ITGAL: variants seen among roughly 807,000 people sequenced by gnomAD.
The protein encoded by ITGAL is integrin subunit alpha L.
Under a neutral mutation model 138.4 loss-of-function variants are expected in ITGAL, and 68 were observed. That is an observed-to-expected ratio of 0.49 (90% CI 0.40 to 0.60). The LOEUF is 0.60. Among genes scored for constraint, ITGAL ranks in the 20% least tolerant of loss-of-function variants. The pLI, the probability that ITGAL is intolerant of heterozygous loss-of-function variation, is 0.00. For missense variants in ITGAL, 1,256 were observed against 1,478.6 expected, an observed-to-expected ratio of 0.85 and a Z score of 2.47; for synonymous variants, 561 against 584.3, an observed-to-expected ratio of 0.96 and a Z score of 0.57.
intron 17 of ITGAL, among the ~76,000 whole-genome samples, chr16:30,502,373 G>A (rs918330942): frequency 4.1e-5 from 6 of 146,392 alleles, no homozygotes; most frequent in Admixed American, 1.4e-4. Flanking sequence ...CTCCAGCCTG[G>A]GCGACAGAGC....
chr16:30,500,412 T>A (rs1941865718), intron 17 of ITGAL, among the ~76,000 whole-genome samples: 1 of 151,652 alleles, frequency 6.6e-6, no homozygotes, highest in African/African-American at 2.4e-5. Context: ...GAGATGGGGG[T>A]CTTACTTTGT....
intron 21 of ITGAL, among the ~76,000 whole-genome samples, chr16:30,508,246 T>C (rs1193842549): frequency 1.7e-5 from 2 of 119,848 alleles, no homozygotes; most frequent in African/African-American, 3.3e-5. Context: ...GAAGTCTTGC[T>C]CTTGTCCCCC....
Position 30,507,480 on chromosome 16 carries a change from CA to C in ITGAL, c.2508+634del, listed in dbSNP as rs112556507. Among the ~76,000 whole-genome samples, 14 of 134,090 alleles carry C rather than the reference CA, an allele frequency of 1.0e-4. No homozygotes were observed. The East Asian group carries it at 1.1e-3, about 10-fold the overall frequency. The allele number at this position is 134,090 out of a possible 152,430, so 88.0% of individuals were successfully genotyped here. A position where few individuals can be genotyped will look rare whatever the true frequency, so the allele number is the denominator to read the frequency against. ...CTCAAAAAAAAAACAAAAAAAAAAA[CA>C]AAAAAAAAACCCACAAAAATTATCC... On this transcript the variant is annotated intron_variant, in intron 21 of 30. Coordinates refer to ENST00000356798, the MANE Select transcript of ITGAL (RefSeq NM_002209.3).
chr16:30,473,169 C>G (rs1234262247), intron 1 of ITGAL, among the ~76,000 whole-genome samples: 1 of 152,114 alleles, frequency 6.6e-6, no homozygotes, highest in East Asian at 1.9e-4. Flanking sequence ...CGGTGGCTCA[C>G]GCCTGTAATC....
At position 30,510,929 on chromosome 16, in the gene ITGAL, G is replaced by A. The variant is rs776423116; in HGVS notation, c.2668G>A (p.Asp890Asn). ...TACACTGGTAAACAGCTCCTGGGGG[G>A]ACTCGGTTGAATTGCACGCCAATGT... ...FNTLVNSSWG[D>N]SVELHANVTC... The change falls in exon 23 of 31, where the codon GAC (aspartate) becomes AAC (asparagine). Residue 890 changes from aspartate to asparagine, a missense_variant. Asp to Asn is a conservative substitution (Grantham distance 23, BLOSUM62 1). This residue lies in a region of ITGAL where 867 missense variants were observed against 972.5 expected (regional missense o/e 0.89). Transcript: ENST00000356798. 5.6e-6 allele frequency: 9 copies of A among 1,613,792 alleles called. No individual in the cohort carries two copies. The highest frequency in any genetic ancestry group is 3.3e-5 in the Admixed American group (2 of 59,968).
intron 25 of ITGAL, among the ~76,000 whole-genome samples, chr16:30,516,169 C>G (rs916387757): frequency 1.3e-5 from 2 of 152,214 alleles, no homozygotes; most frequent in Middle Eastern, 3.4e-3. Context: ...CACTTTCTTA[C>G]ACATATCTGA....
Position 30,510,361 on chromosome 16 carries a change from C to A in ITGAL, c.2509C>A (p.Pro837Thr). 6.3e-7 allele frequency: 1 copy of A among 1,590,232 alleles called. No individual in the cohort carries two copies. Among genetic ancestry groups the A allele is most frequent in the Non-Finnish European group, 8.6e-7 (1 of 1,158,360 alleles). Reference sequence around the variant, plus strand: ...ACTTGTTTCCTCCTTTCACTCCCAGCCCCATAGCCAGATACCTGTGAGCTG... The same window carrying A: ...ACTTGTTTCCTCCTTTCACTCCCAGACCCATAGCCAGATACCTGTGAGCTG... ...LSFRKVEMLK[P>T]HSQIPVSCEE... Residue 837 changes from proline (P) to threonine (T), a missense_variant and splice_region_variant, in exon 22 of 31, where the codon CCC (proline) becomes ACC (threonine). Physicochemically the swap from Pro to Thr is conservative, Grantham distance 38. Transcript: ENST00000356798.
At chr16:30,514,825 CTTTTT>C (rs35701226) in intron 25 of ITGAL, among the ~76,000 whole-genome samples, 6 of 134,260 alleles carry the variant, frequency 4.5e-5, no homozygotes, top group Admixed American at 7.5e-5. Context: ...TTTTTCTTTT[CTTTTT>C]TTTTTTTTTT....
rs750590467 is a variant in ITGAL at position 30,522,023 on chromosome 16, A to G, written c.*358A>G. On this transcript the variant is annotated 3_prime_UTR_variant, in exon 31 of 31. Coordinates refer to ENST00000356798, the MANE Select transcript of ITGAL (RefSeq NM_002209.3). The surrounding 1 kb of genome is among the most constrained non-coding windows in gnomAD (Gnocchi z 4.0). ...CCCTCACCCCTGCCCTGGGATGTCC[A>G]CAGATGCCTCCACCCCCCAGAACCT... The G allele has an allele frequency of 1.5e-4, 33 of 220,620 alleles. No individual in the cohort carries two copies. Among genetic ancestry groups the G allele is most frequent in the Non-Finnish European group, 2.7e-4 (30 of 109,784 alleles). 13.7% of individuals were successfully genotyped at this position (220,620 alleles called of 1,614,324 possible). A position where few individuals can be genotyped will look rare whatever the true frequency, so the allele number is the denominator to read the frequency against.
chr16:30,515,697 C>A (rs556407177), intron 25 of ITGAL, among the ~76,000 whole-genome samples: 15 of 152,182 alleles, frequency 9.9e-5, no homozygotes, highest in African/African-American at 3.1e-4. Flanking sequence ...TCTGGTCAGG[C>A]GCGGTGGCTC....
rs1040873306 is a variant in ITGAL at position 30,474,235 on chromosome 16, G to T, written c.101G>T (p.Arg34Leu). 2 of 1,608,952 alleles carry T rather than the reference G, an allele frequency of 1.2e-6. No individual in the cohort carries two copies. The highest frequency in any genetic ancestry group is 1.7e-4 in the Middle Eastern group (1 of 6,052). ...SSYNLDVRGA[R>L]SFSPPRAGRH... ...TACAACCTGGACGTGCGGGGCGCGC[G>T]GAGCTTCTCCCCACCGCGCGCCGGG... is the stretch of plus-strand genomic sequence containing the variant. The change falls in exon 2 of 31, where the codon CGG (arginine) becomes CTG (leucine). Residue 34 changes from arginine to leucine, a missense_variant. By Grantham distance (102) the Arg-to-Leu change is moderately radical. Coordinates refer to ENST00000356798, the MANE Select transcript of ITGAL (RefSeq NM_002209.3).
At chr16:30,508,535 T>A (rs1349133844) in intron 21 of ITGAL, among the ~76,000 whole-genome samples, 1 of 152,098 alleles carries the variant, frequency 6.6e-6, no homozygotes, top group African/African-American at 2.4e-5. Context: ...TACAGCAACA[T>A]TAAATGTTTC....
intron 17 of ITGAL, 28 bp from the exon 18 acceptor site, chr16:30,504,147 A>G (rs2050947965): frequency 6.5e-7 from 1 of 1,531,012 alleles, no homozygotes; most frequent in South Asian, 1.1e-5. Context: ...TAGATTCATG[A>G]CATAGGCTGT....
intron 1 of ITGAL, among the ~76,000 whole-genome samples, chr16:30,473,387 C>T (rs1481135784): frequency 6.6e-6 from 1 of 152,208 alleles, no homozygotes; most frequent in Non-Finnish European, 1.5e-5. Context: ...GAGCCAAGCT[C>T]GTGCCAATGC....
intron 13 of ITGAL, among the ~76,000 whole-genome samples, chr16:30,495,547 C>A (rs189739751): frequency 3.3e-5 from 5 of 152,198 alleles, no homozygotes; most frequent in African/African-American, 9.6e-5. Context: ...AAATGGGAAT[C>A]CCTGGGGTGC....
At position 30,479,188 on chromosome 16, in the gene ITGAL, AG is replaced by A. The variant is rs766120672; in HGVS notation, c.429del (p.Arg144AlafsTer12). ...FRQNLQGPML[Q>X]GRPGFQECIK... ...CAGAATCTGCAGGGTCCCATGCTGC[AG>A]GGGCGCCCTGGTTTTCAGGGTAAGG... On this transcript the variant is annotated frameshift_variant, in exon 5 of 31. Coordinates refer to ENST00000356798, the MANE Select transcript of ITGAL (RefSeq NM_002209.3). LOFTEE classifies it high-confidence loss of function. 6.2e-7 allele frequency: 1 copy of A among 1,614,074 alleles called. No homozygotes were observed. Among genetic ancestry groups the A allele is most frequent in the East Asian group, 2.2e-5 (1 of 44,886 alleles).
intron 9 of ITGAL, among the ~76,000 whole-genome samples, chr16:30,487,767 G>A (rs1282516144): frequency 6.6e-6 from 1 of 150,630 alleles, no homozygotes; most frequent in Non-Finnish European, 1.5e-5. Context: ...GAGCAGTGGT[G>A]CGATCTTGGC....
intron 17 of ITGAL, among the ~76,000 whole-genome samples, chr16:30,500,974 A>G (rs2050887878): frequency 6.6e-6 from 1 of 151,820 alleles, no homozygotes; most frequent in Non-Finnish European, 1.5e-5. Context: ...ATTGCACTCC[A>G]GCCTGGGCAA....
intron 2 of ITGAL, 58 bp from the exon 3 acceptor site, chr16:30,475,248 A>C: frequency 8.4e-7 from 1 of 1,186,670 alleles, no homozygotes; most frequent in Non-Finnish European, 1.2e-6. Context: ...CTTAGCAGGC[A>C]GGAGTAGATG....
Sources: allele counts gnomAD v4.1 joint callset (sites outside exome capture counted in the v4.1 genomes callset), GRCh38; gene constraint gnomAD v4.1.1; regional missense constraint gnomAD v4.1.1; non-coding constraint Gnocchi (gnomAD v3.1); transcripts MANE v1.5; gene names NCBI Gene and HGNC (gene_info 2026-07-23, HGNC 2026-07-21).